NIPSNAP1: variants seen among roughly 807,000 people sequenced by gnomAD.
NIPSNAP1 encodes the protein nipsnap homolog 1.
In NIPSNAP1, 25 loss-of-function variants were observed where a neutral mutation model predicts 49.2. The ratio of observed to expected loss-of-function variants is 0.51; its 90% CI spans 0.37 to 0.71. NIPSNAP1 has a LOEUF of 0.71. NIPSNAP1 is among the 30% of genes least tolerant of loss of function. NIPSNAP1 has a pLI of 0.00. For synonymous variants in NIPSNAP1, 143 were observed against 140.7 expected (o/e 1.02, Z -0.12); for missense variants, 294 against 361.0 (o/e 0.81, Z 1.50).
chr22:29,580,167 G>A, intron 1 of NIPSNAP1: 1 of 1,304,072 alleles, frequency 7.7e-7, no homozygotes, highest in Non-Finnish European at 1.0e-6. Context: ...TGGGGAAACA[G>A]AGAAAAATGA....
chr22:29,576,502 A>G (rs2064453531), intron 1 of NIPSNAP1, among the ~76,000 whole-genome samples: 1 of 151,510 alleles, frequency 6.6e-6, no homozygotes, highest in South Asian at 2.1e-4. Context: ...TCCCTGCTGT[A>G]TCCCCTATGC....
At chr22:29,576,013 C>CTTTTTT (rs35741168) in intron 1 of NIPSNAP1, among the ~76,000 whole-genome samples, 1 of 138,458 alleles carries the variant, frequency 7.2e-6, no homozygotes. Context: ...CACACTTGGC[C>CTTTTTT]TTTTTTTTTT....
Position 29,581,074 on chromosome 22 carries a change from C to T in NIPSNAP1, c.9G>A (p.Pro3=), listed in dbSNP as rs1569251278. 3.2e-6 allele frequency: 5 copies of T among 1,541,676 alleles called. No individual in the cohort carries two copies. The highest frequency in any genetic ancestry group is 3.5e-6 in the Non-Finnish European group (4 of 1,146,138). ...CCGTCACAGAGATGCTGCACAGCCG[C>T]GGAGCCATGTTGGAGCCGCAAAGGT... MA[P]RLCSISVTAR... The change falls in exon 1 of 10, where the codon CCG becomes CCA. Residue 3 remains proline, a synonymous_variant. Transcript: ENST00000216121.
At position 29,555,894 on chromosome 22, in the gene NIPSNAP1, G is replaced by T; in HGVS notation, c.*41C>A. The stretch of plus-strand genomic sequence containing the variant: ...AGGAGTGCCACTGTCTGTCGGGGTT[G>T]CCTGAGGGAGAAGGGGAAGGAGGTG... On this transcript the variant is annotated 3_prime_UTR_variant, in exon 10 of 10. Transcript: ENST00000216121. 2 of 1,536,242 alleles carry T rather than the reference G, an allele frequency of 1.3e-6. No homozygotes were observed. Among genetic ancestry groups the T allele is most frequent in the Non-Finnish European group, 1.8e-6 (2 of 1,132,810 alleles).
chr22:29,579,528 C>A (rs1039576072), intron 1 of NIPSNAP1, among the ~76,000 whole-genome samples: 8 of 152,192 alleles, frequency 5.3e-5, no homozygotes, highest in African/African-American at 1.9e-4. Flanking sequence ...GATCTCCTGA[C>A]CTCGTGATCC....
intron 4 of NIPSNAP1, among the ~76,000 whole-genome samples, chr22:29,562,691 C>CA (rs1326927691): frequency 5.3e-5 from 8 of 149,920 alleles, no homozygotes; most frequent in South Asian, 2.1e-4. Flanking sequence ...AACTCCGTCT[C>CA]AAAAAAAAAG....
At chr22:29,580,155 G>T (rs1264841978) in intron 1 of NIPSNAP1, 3 of 1,304,022 alleles carry the variant, frequency 2.3e-6, no homozygotes, top group African/African-American at 1.5e-5. Context: ...AGGGTGGGAG[G>T]CTGGGGAAAC....
intron 1 of NIPSNAP1, among the ~76,000 whole-genome samples, chr22:29,576,104 C>T (rs1246653246): frequency 3.3e-5 from 5 of 151,252 alleles, no homozygotes; most frequent in Non-Finnish European, 7.4e-5. Flanking sequence ...CTGCAACCTC[C>T]ACCTCCTGGG....
intron 5 of NIPSNAP1, 67 bp from the exon 6 acceptor site, chr22:29,561,713 G>A (rs560791182): frequency 9.9e-6 from 16 of 1,613,826 alleles, no homozygotes; most frequent in African/African-American, 1.3e-5. Flanking sequence ...GTGCCTCATG[G>A]GGTAGCAGAG....
rs2064288720 is a variant in NIPSNAP1, at chr22:29,555,693, C to G, written c.*242G>C. ...GCCTAAAAGATCACTATCTTTCATTCAGGGAAATCAGAAACTACTTCTAGC... is the reference window on the plus strand; with the variant it reads ...GCCTAAAAGATCACTATCTTTCATTGAGGGAAATCAGAAACTACTTCTAGC... On this transcript the variant is annotated 3_prime_UTR_variant, in exon 10 of 10. Coordinates refer to ENST00000216121, the MANE Select transcript of NIPSNAP1 (RefSeq NM_003634.4). 1 of 547,668 alleles carries G rather than the reference C, an allele frequency of 1.8e-6. No homozygotes were observed. Among genetic ancestry groups the G allele is most frequent in the East Asian group, 3.2e-5 (1 of 31,654 alleles). 33.9% of individuals were successfully genotyped at this position (547,668 alleles called of 1,614,324 possible).
chr22:29,572,172 G>A (rs1274020377), intron 1 of NIPSNAP1, among the ~76,000 whole-genome samples: 2 of 151,632 alleles, frequency 1.3e-5, no homozygotes, highest in East Asian at 3.9e-4. Flanking sequence ...GCGTGGTGGT[G>A]TGCACCTGTA....
chr22:29,568,125 G>T (rs981120947), intron 4 of NIPSNAP1, among the ~76,000 whole-genome samples: 6 of 143,088 alleles, frequency 4.2e-5, no homozygotes, highest in Admixed American at 1.5e-4. Flanking sequence ...GCTCGAGTGA[G>T]CCAAGATTAT....
chr22:29,555,656 A>C lies in NIPSNAP1; in HGVS notation c.*279T>G. The C allele has an allele frequency of 2.3e-6, 1 of 441,088 alleles. No homozygotes were observed. The highest frequency in any genetic ancestry group is 4.2e-6 in the Non-Finnish European group (1 of 236,520). 27.3% of individuals were successfully genotyped at this position (441,088 alleles called of 1,614,324 possible). ...TGGCCTTGAGATGAGGAATTTTAGA[A>C]GATAAATGAAGGCCTAAAAGATCAC... On this transcript the variant is annotated 3_prime_UTR_variant, in exon 10 of 10. Transcript: ENST00000216121.
intron 1 of NIPSNAP1, among the ~76,000 whole-genome samples, chr22:29,575,620 A>G (rs555521237): frequency 6.6e-6 from 1 of 152,212 alleles, no homozygotes; most frequent in Non-Finnish European, 1.5e-5. Context: ...CTAAAACGCT[A>G]TACTAGGATT....
intron 4 of NIPSNAP1, among the ~76,000 whole-genome samples, chr22:29,567,804 G>A (rs1352808392): frequency 6.6e-6 from 1 of 151,824 alleles, no homozygotes; most frequent in Non-Finnish European, 1.5e-5. Flanking sequence ...TGTGTGAGCT[G>A]TGATCACACC....
chr22:29,574,861 C>T (rs529404205), intron 1 of NIPSNAP1, among the ~76,000 whole-genome samples: 1 of 151,496 alleles, frequency 6.6e-6, no homozygotes, highest in African/African-American at 2.4e-5. Flanking sequence ...AAGGGAGGCT[C>T]TAAGCCAGGG....
Position 29,581,064 on chromosome 22 carries a change from T to G in NIPSNAP1, c.19A>C (p.Ser7Arg), listed in dbSNP as rs370714358. Residue 7 changes from serine to arginine, a missense_variant, in exon 1 of 10, where the codon AGC becomes CGC. Ser to Arg is a moderately radical substitution (Grantham distance 110). Around this residue, in one of 4 missense-constraint regions of NIPSNAP1, gnomAD observed 88 missense variants for 76.1 expected, o/e 1.16. Transcript: ENST00000216121. MAPRLC[S>R]ISVTARRLLG... ...AGCCGCCGCGCCGTCACAGAGATGC[T>G]GCACAGCCGCGGAGCCATGTTGGAG... The G allele has an allele frequency of 1.3e-6, 2 of 1,541,600 alleles. No individual in the cohort carries two copies. Among genetic ancestry groups the G allele is most frequent in the Admixed American group, 2.0e-5 (1 of 50,930 alleles).
intron 2 of NIPSNAP1, 56 bp from the exon 3 acceptor site, chr22:29,570,263 C>G: frequency 6.2e-7 from 1 of 1,606,958 alleles, no homozygotes; most frequent in Non-Finnish European, 8.5e-7. Context: ...CAGGGAAGAA[C>G]TTGGGGTGAG....
intron 1 of NIPSNAP1, among the ~76,000 whole-genome samples, chr22:29,574,283 A>AAAAAAAAAAG (rs2064433918): frequency 9.0e-6 from 1 of 111,208 alleles, no homozygotes; most frequent in African/African-American, 4.5e-5. Flanking sequence ...AAAAAAAAAA[A>AAAAAAAAAAG]AAAAAAAAAG....
Sources: allele counts gnomAD v4.1 joint callset (sites outside exome capture counted in the v4.1 genomes callset), GRCh38; gene constraint gnomAD v4.1.1; regional missense constraint gnomAD v4.1.1; transcripts MANE v1.5; gene names NCBI Gene and HGNC (gene_info 2026-07-23, HGNC 2026-07-21).